The following SEMA6D variants were observed in gnomAD, a reference collection of about 807,000 sequenced individuals.
SEMA6D encodes semaphorin 6D, also known as semaphorin-6D.
A neutral mutation model predicts 106.6 loss-of-function variants in SEMA6D; 35 were observed. That is an observed-to-expected ratio of 0.33 (90% confidence interval 0.25 to 0.44). The LOEUF is 0.44. Ranked by LOEUF, SEMA6D falls within the 20% of genes least tolerant of loss-of-function variation. SEMA6D has a pLI of 1.00. For synonymous variants in SEMA6D, 499 were observed against 487.7 expected (o/e 1.02, Z -0.31); for missense variants, 1,185 against 1,345.9 (o/e 0.88, Z 1.87).
chr15:47,345,061 A>G (rs996725989), intron 1 of SEMA6D, among the ~76,000 whole-genome samples: 1 of 152,178 alleles, frequency 6.6e-6, no homozygotes, highest in Non-Finnish European at 1.5e-5. Flanking sequence ...AATATTGCTA[A>G]AGGAAATTAA....
intron 4 of SEMA6D, among the ~76,000 whole-genome samples, chr15:47,613,013 C>G (rs2076941056): frequency 6.6e-6 from 1 of 152,150 alleles, no homozygotes; most frequent in Non-Finnish European, 1.5e-5. Context: ...ATTTTAAACT[C>G]TGTGGAGCCT....
chr15:47,759,623 C>T, intron 1 of SEMA6D, 122 bp from the exon 2 acceptor site: 1 of 604,132 alleles, frequency 1.7e-6, no homozygotes, highest in East Asian at 2.8e-5. Context: ...TCTACCACTG[C>T]CAGCATTCCT....
At chr15:47,665,116 T>A (rs533438889) in intron 4 of SEMA6D, among the ~76,000 whole-genome samples, 2 of 152,336 alleles carry the variant, frequency 1.3e-5, no homozygotes, top group South Asian at 2.1e-4. Context: ...AGTGGTAGCA[T>A]GTACCTGTTG....
At chr15:47,185,375 C>T (rs1235207095) in intron 1 of SEMA6D, among the ~76,000 whole-genome samples, 2 of 152,068 alleles carry the variant, frequency 1.3e-5, no homozygotes, top group East Asian at 3.9e-4. Flanking sequence ...CACGGTATTT[C>T]CCCCATTGAA....
intron 3 of SEMA6D, among the ~76,000 whole-genome samples, chr15:47,593,484 T>C (rs1447171641): frequency 1.4e-5 from 2 of 144,564 alleles, no homozygotes; most frequent in Non-Finnish European, 3.0e-5. Context: ...TTTCTAAAAA[T>C]GAAGACTTTA....
At chr15:47,269,908 T>A (rs550483247) in intron 1 of SEMA6D, among the ~76,000 whole-genome samples, 1 of 151,922 alleles carries the variant, frequency 6.6e-6, no homozygotes, top group East Asian at 1.9e-4. Context: ...TTTTTTTTAT[T>A]TTTGCCATCA....
At chr15:47,456,919 GTTCCCAAGTC>G in intron 2 of SEMA6D, among the ~76,000 whole-genome samples, 1 of 152,090 alleles carries the variant, frequency 6.6e-6, no homozygotes, top group Admixed American at 6.6e-5. Flanking sequence ...CATAATGAGT[GTTCCCAAGTC>G]TTCTCTGCAT....
At position 47,770,796 on chromosome 15, in the gene SEMA6D, C is replaced by T. The variant is rs200182115; in HGVS notation, c.2233C>T (p.Arg745Trp). ...ACTGTATAGTAACCTGCTAACCAGT[C>T]GGAAAGAGCTACCACCCAATGGAGA... ...PKLYSNLLTS[R>W]KELPPNGDTK... Residue 745 changes from arginine (R) to tryptophan (W), a missense_variant, in exon 19 of 19, where the codon CGG becomes TGG. By Grantham distance (101) the Arg-to-Trp change is moderately radical (BLOSUM62 -3). Transcript: ENST00000536845. The T allele has an allele frequency of 3.7e-6, 6 of 1,613,840 alleles. No homozygotes were observed. Among genetic ancestry groups the T allele is most frequent in the Non-Finnish European group, 5.1e-6 (6 of 1,179,970 alleles).
chr15:47,603,615 C>T (rs1233435797), intron 4 of SEMA6D, among the ~76,000 whole-genome samples: 1 of 151,960 alleles, frequency 6.6e-6, no homozygotes, highest in Admixed American at 6.6e-5. Flanking sequence ...TTTCATTGTG[C>T]GTGTCTAAAA....
chr15:47,584,974 A>G (rs1304243166), intron 3 of SEMA6D, among the ~76,000 whole-genome samples: 1 of 152,236 alleles, frequency 6.6e-6, no homozygotes, highest in Non-Finnish European at 1.5e-5. Flanking sequence ...AGTGATATTG[A>G]TAAGGCCCCA....
chr15:47,569,328 T>C (rs2046317024), intron 3 of SEMA6D, among the ~76,000 whole-genome samples: 2 of 152,198 alleles, frequency 1.3e-5, no homozygotes, highest in Non-Finnish European at 2.9e-5. Context: ...CTGCCCTCTG[T>C]CCTCTAGAAT....
intron 1 of SEMA6D, among the ~76,000 whole-genome samples, chr15:47,399,862 G>T (rs1383681468): frequency 1.3e-5 from 2 of 152,232 alleles, no homozygotes; most frequent in Non-Finnish European, 2.9e-5. Context: ...GAAATGGTTA[G>T]TGAGGTCAGT....
chr15:47,263,381 G>C (rs1387177038), intron 1 of SEMA6D, among the ~76,000 whole-genome samples: 2 of 151,960 alleles, frequency 1.3e-5, no homozygotes, highest in Non-Finnish European at 2.9e-5. Context: ...TAAATAAGTG[G>C]GCAACGGACA....
intron 4 of SEMA6D, among the ~76,000 whole-genome samples, chr15:47,660,009 C>A (rs972221611): frequency 2.0e-5 from 3 of 151,788 alleles, no homozygotes; most frequent in African/African-American, 7.3e-5. Flanking sequence ...TATAACCAAT[C>A]ATTGTTTAAT....
At chr15:47,262,740 G>A (rs1272939255) in intron 1 of SEMA6D, among the ~76,000 whole-genome samples, 1 of 152,018 alleles carries the variant, frequency 6.6e-6, no homozygotes, top group East Asian at 1.9e-4. Context: ...TAATAGCCAA[G>A]ACAATCCTAA....
rs1048114072 is a variant in SEMA6D, at chr15:47,374,911, C to T, written c.-238-37482C>T. ...TCCTGATCAAATGAAAGGCTAGTTT[C>T]TGCAGCTCTGTTGTAGACCTGTTGC... On this transcript the variant is annotated intron_variant, in intron 1 of 19. Transcript: ENST00000558014. Among the ~76,000 whole-genome samples the T allele has an allele frequency of 3.9e-5, 6 of 152,298 alleles. 1 individual carries two copies. Among genetic ancestry groups the T allele is most frequent in the Admixed American group, 3.9e-4 (6 of 15,294 alleles).
chr15:47,553,148 C>A (rs180940713), intron 3 of SEMA6D, among the ~76,000 whole-genome samples: 5 of 151,258 alleles, frequency 3.3e-5, no homozygotes, highest in African/African-American at 1.2e-4. Flanking sequence ...AGGCAATCCG[C>A]CCATCTTGAC....
At chr15:47,404,415 AT>A (rs1472440831) in intron 1 of SEMA6D, among the ~76,000 whole-genome samples, 1 of 146,408 alleles carries the variant, frequency 6.8e-6, no homozygotes, top group Non-Finnish European at 1.5e-5. Flanking sequence ...ATTCAGCTAG[AT>A]TCTGAACATT....
chr15:47,430,364 G>A (rs2041482747), intron 2 of SEMA6D, among the ~76,000 whole-genome samples: 2 of 151,956 alleles, frequency 1.3e-5, no homozygotes, highest in South Asian at 4.1e-4. Flanking sequence ...TCCCTTTCTT[G>A]ATGTGGGTTT....
Sources: gnomAD v4.1 joint callset for allele counts (sites outside exome capture counted in the v4.1 genomes callset) on GRCh38, gnomAD v4.1.1 for gene constraint, MANE v1.5 for transcripts, NCBI Gene and HGNC (gene_info 2026-07-23, HGNC 2026-07-21) for gene names.